Variants in NPIPA9 observed in about 807,000 individuals in gnomAD.
NPIPA9 encodes the protein nuclear pore complex-interacting protein family member A9.
At chr16:18,365,293 A>ATAT in intron 4 of NPIPA9, among the ~76,000 whole-genome samples, 1 of 91,074 alleles carries the variant, frequency 1.1e-5, no homozygotes, top group African/African-American at 5.8e-5. Context: ...AAAAAAAAAA[A>ATAT]ATATAGGCCA....
At chr16:18,364,960 C>G (rs1279295896) in intron 4 of NPIPA9, among the ~76,000 whole-genome samples, 1 of 1,624 alleles carries the variant, frequency 6.2e-4, no homozygotes, top group Non-Finnish European at 0.024. Context: ...CACACACACA[C>G]ACACACACAA....
At chr16:18,364,814 C>T (rs1381821537) in intron 4 of NPIPA9, among the ~76,000 whole-genome samples, 180 bp from the exon 5 acceptor site, 3 of 43,600 alleles carry the variant, frequency 6.9e-5, no homozygotes, top group Non-Finnish European at 3.8e-5. Flanking sequence ...TGGCAGTGGG[C>T]GCCTGTAATC....
chr16:18,371,451 TAAAAAA>T (rs778066038), intron 3 of NPIPA9, among the ~76,000 whole-genome samples: 8 of 56,642 alleles, frequency 1.4e-4, no homozygotes, highest in Admixed American at 1.2e-3. Flanking sequence ...GACTCTGTCT[TAAAAAA>T]AAAAAAAAAA....
chr16:18,374,508 T>TA lies in NPIPA9; in HGVS notation c.-70+323dup. 3 of 881,522 alleles carry TA rather than the reference T, an allele frequency of 3.4e-6. 1 individual carries two copies. The East Asian group carries it at 9.5e-5, about 28-fold the overall frequency. The allele number at this position is 881,522 out of a possible 1,614,324, so 54.6% of individuals were successfully genotyped here. ...GTTGGTTGTAAAAGGAGAGACCCAGTAAGTGGGGGTCATGCCGCAGATTGC... is the reference window on the plus strand; with the variant it reads ...GTTGGTTGTAAAAGGAGAGACCCAGTAAAGTGGGGGTCATGCCGCAGATTGC... On this transcript the variant is annotated intron_variant, in intron 2 of 9. Transcript: ENST00000427999.
intron 3 of NPIPA9, among the ~76,000 whole-genome samples, chr16:18,370,250 A>C: frequency 7.8e-6 from 1 of 127,678 alleles, no homozygotes; most frequent in Non-Finnish European, 1.7e-5. Context: ...AGATCGCACC[A>C]CTGCACTTCA....
rs1483997914 is a variant in NPIPA9 at position 18,371,669 on chromosome 16, CT to C, written c.63+1053del. Among the ~76,000 whole-genome samples, 8 of 66,004 alleles carry C rather than the reference CT, an allele frequency of 1.2e-4. 1 individual carries two copies. The highest frequency in any genetic ancestry group is 2.9e-5 in the Non-Finnish European group (1 of 34,480). The allele number at this position is 66,004 out of a possible 152,430, so 43.3% of individuals were successfully genotyped here. On this transcript the variant is annotated intron_variant, in intron 3 of 9. Transcript: ENST00000427999. ...GTACGCACCACCAGGCCCGACTAAT[CT>C]TTTTTGGAATTTTTTGTAGAGATGG...
intron 1 of NPIPA9, among the ~76,000 whole-genome samples, chr16:18,375,468 T>G (rs1456398447): frequency 1.1e-3 from 136 of 120,460 alleles, no homozygotes; most frequent in East Asian, 8.2e-3. Flanking sequence ...GCCCAGCTAA[T>G]TTTTTGTATT....
At chr16:18,365,049 C>A (rs1302281193) in intron 4 of NPIPA9, among the ~76,000 whole-genome samples, 5 of 101,234 alleles carry the variant, frequency 4.9e-5, no homozygotes, top group African/African-American at 9.6e-5. Flanking sequence ...CCGAGGCAGG[C>A]GGATAACCTG....
chr16:18,365,056 C>A (rs1900491384), intron 4 of NPIPA9, among the ~76,000 whole-genome samples: 1 of 100,876 alleles, frequency 9.9e-6, no homozygotes, highest in South Asian at 3.2e-4. Context: ...AGGCGGATAA[C>A]CTGAGGTCGG....
At chr16:18,365,173 C>T (rs1383239668) in intron 4 of NPIPA9, among the ~76,000 whole-genome samples, 1 of 80,716 alleles carries the variant, frequency 1.2e-5, no homozygotes, top group African/African-American at 7.5e-5. Context: ...AGTCGGGAGG[C>T]TGAGGCAGGA....
intron 3 of NPIPA9, among the ~76,000 whole-genome samples, chr16:18,370,275 G>A (rs1170382271): frequency 7.6e-6 from 1 of 130,908 alleles, no homozygotes; most frequent in African/African-American, 2.8e-5. Flanking sequence ...GGGTGACAGA[G>A]CGAGACTCTG....
chr16:18,374,931 G>C, exon 2 of NPIPA9: 1 of 548,610 alleles, frequency 1.8e-6, no homozygotes. Context: ...CAAGGCGGCA[G>C]GACCCCCAGT....
chr16:18,365,505 G>A (rs868186003), intron 4 of NPIPA9, among the ~76,000 whole-genome samples: 5 of 7,622 alleles, frequency 6.6e-4, no homozygotes, highest in African/African-American at 3.2e-3. Flanking sequence ...CTTGAACCCA[G>A]GAGGCAGAGG....
At chr16:18,375,593 A>G (rs1490986622) in intron 1 of NPIPA9, among the ~76,000 whole-genome samples, 157 of 107,904 alleles carry the variant, frequency 1.5e-3, no homozygotes, top group African/African-American at 4.2e-3. Flanking sequence ...GTGAGCCACC[A>G]CACCCGGCCA....
chr16:18,371,467 A>AG (rs1212915791), intron 3 of NPIPA9, among the ~76,000 whole-genome samples: 1 of 141,376 alleles, frequency 7.1e-6, no homozygotes, highest in East Asian at 2.0e-4. Flanking sequence ...AAAAAAAAAA[A>AG]AAAAAAAAAA....
At chr16:18,363,511 A>T (rs1900471739) in intron 6 of NPIPA9, among the ~76,000 whole-genome samples, 1 of 113,792 alleles carries the variant, frequency 8.8e-6, no homozygotes, top group Non-Finnish European at 1.8e-5. Flanking sequence ...AAAAAAAAAA[A>T]AAAAAATTGG....
intron 1 of NPIPA9, among the ~76,000 whole-genome samples, chr16:18,375,408 G>A (rs1225579538): frequency 1.7e-4 from 23 of 137,200 alleles, no homozygotes; most frequent in African/African-American, 5.8e-4. Context: ...GCGATTGTCC[G>A]TCCTGGCTCA....
intron 1 of NPIPA9, among the ~76,000 whole-genome samples, chr16:18,375,624 T>TA (rs1303808603): frequency 1.9e-4 from 24 of 126,060 alleles, no homozygotes; most frequent in Admixed American, 5.0e-4. Context: ...TTAATTAACT[T>TA]AAATACGAGC....
intron 1 of NPIPA9, 135 bp from the exon 2 acceptor site, chr16:18,375,204 G>A: frequency 5.7e-6 from 3 of 524,432 alleles, no homozygotes; most frequent in Middle Eastern, 4.9e-4. Context: ...AGATATATGG[G>A]ACATCTGCAC....
Sources: allele counts gnomAD v4.1 joint callset (sites outside exome capture counted in the v4.1 genomes callset), GRCh38; gene constraint gnomAD v4.1.1; transcripts MANE v1.5; gene names NCBI Gene and HGNC (gene_info 2026-07-23, HGNC 2026-07-21).